The following TRIM37 variants were observed in gnomAD, a reference collection of about 807,000 sequenced individuals.
TRIM37 encodes E3 ubiquitin-protein ligase TRIM37.
TRIM37 carries 80 observed loss-of-function variants against 129.8 expected under a neutral mutation model. The ratio of observed to expected loss-of-function variants is 0.62; its 90% CI spans 0.51 to 0.74. The LOEUF (loss-of-function observed/expected upper bound fraction) is 0.74, where lower values mean the gene tolerates loss of function less well. TRIM37 is among the 30% of genes least tolerant of loss of function. TRIM37 has a pLI of 0.00. For missense variants in TRIM37, 1,054 were observed against 1,176.5 expected (o/e 0.90, Z 1.52); for synonymous variants, 389 against 387.1 (o/e 1.00, Z -0.06).
chr17:59,087,181 C>G (rs2043831233), intron 4 of TRIM37, among the ~76,000 whole-genome samples: 2 of 152,038 alleles, frequency 1.3e-5, no homozygotes, highest in African/African-American at 4.8e-5. Flanking sequence ...CTGCAACTTA[C>G]GCCTCCTGGG....
chr17:58,986,564 G>A (rs184047890), intron 24 of TRIM37, among the ~76,000 whole-genome samples: 21 of 146,904 alleles, frequency 1.4e-4, no homozygotes, highest in African/African-American at 5.3e-4. Context: ...CCTGGCTGGA[G>A]TGCAGTGGTG....
the TRIM37 span, chr17:58,969,587 G>A: frequency 6.2e-7 from 1 of 1,614,054 alleles, no homozygotes; most frequent in Non-Finnish European, 8.5e-7. Context: ...CCATGGGGGA[G>A]TAGATGCTGC....
chr17:59,001,879 C>A, intron 22 of TRIM37, 165 bp from the exon 23 acceptor site: 1 of 1,000,786 alleles, frequency 1.0e-6, no homozygotes. Flanking sequence ...AGTAACCGCA[C>A]AAACCTCGAT....
intron 16 of TRIM37, among the ~76,000 whole-genome samples, chr17:59,042,749 C>T (rs895460857): frequency 6.6e-6 from 1 of 150,622 alleles, no homozygotes; most frequent in Non-Finnish European, 1.5e-5. Flanking sequence ...GACGACAGAG[C>T]GAGACTCTGT....
intron 2 of TRIM37, among the ~76,000 whole-genome samples, chr17:59,098,433 G>C (rs2045120912): frequency 6.6e-6 from 1 of 152,124 alleles, no homozygotes; most frequent in Non-Finnish European, 1.5e-5. Flanking sequence ...GGGAGGCCAA[G>C]GCAGGCAGAT....
intron 16 of TRIM37, among the ~76,000 whole-genome samples, chr17:59,042,439 A>ATATATATATATATATATATAT (rs1184637891): frequency 1.2e-5 from 1 of 82,124 alleles, no homozygotes; most frequent in African/African-American, 6.2e-5. Flanking sequence ...TTTAAAAAAA[A>ATATATATATATATATATATAT]AAAAAAAAAA....
At chr17:59,061,999 A>G (rs551200552) in intron 11 of TRIM37, among the ~76,000 whole-genome samples, 1 of 152,118 alleles carries the variant, frequency 6.6e-6, no homozygotes, top group East Asian at 1.9e-4. Context: ...ATGATATATT[A>G]TTGTGTAATG....
chr17:59,041,718 C>A, intron 17 of TRIM37, 95 bp downstream of exon 17: 2 of 902,914 alleles, frequency 2.2e-6, no homozygotes, highest in East Asian at 5.0e-5. Context: ...GAACCATGTA[C>A]AAGCAGTGGC....
At chr17:59,017,617 A>G (rs906133669) in intron 19 of TRIM37, among the ~76,000 whole-genome samples, 193 bp from the exon 20 acceptor site, 4 of 151,774 alleles carry the variant, frequency 2.6e-5, no homozygotes, top group Non-Finnish European at 5.9e-5. Flanking sequence ...TTGCTTGTAG[A>G]GCAGAATCTT....
chr17:58,972,303 C>T, the TRIM37 span: 1 of 1,588,070 alleles, frequency 6.3e-7, no homozygotes, highest in Non-Finnish European at 8.6e-7. Flanking sequence ...TAATAGAGCC[C>T]ATGCTCTAGT....
downstream of TRIM37, chr17:58,980,569 T>C: frequency 6.2e-7 from 1 of 1,613,904 alleles, no homozygotes; most frequent in Non-Finnish European, 8.5e-7. The surrounding 1 kb of genome is among the most constrained non-coding windows in gnomAD (Gnocchi z 4.7). Flanking sequence ...AAGCAAATCT[T>C]ATTAATGAGT....
chr17:58,972,084 G>T, the TRIM37 span: 1 of 1,552,022 alleles, frequency 6.4e-7, no homozygotes, highest in Non-Finnish European at 8.8e-7. Context: ...TAAGAATGTA[G>T]TATCTATTTC....
chr17:59,106,173 C>T (rs1371383442), intron 1 of TRIM37, among the ~76,000 whole-genome samples: 1 of 152,182 alleles, frequency 6.6e-6, no homozygotes, highest in African/African-American at 2.4e-5. Context: ...ATGCTGTTTG[C>T]AAACACCCGG....
downstream of TRIM37, chr17:58,979,837 ATT>A (rs1351372835): frequency 1.4e-6 from 1 of 692,728 alleles, no homozygotes; most frequent in Admixed American, 3.0e-5. Context: ...GTCAAAAACT[ATT>A]TTATAAATTC....
Position 59,017,413 on chromosome 17 carries a change from T to C in TRIM37, c.2269A>G (p.Lys757Glu). The C allele has an allele frequency of 3.7e-6, 6 of 1,613,996 alleles. No homozygotes were observed. Among genetic ancestry groups the C allele is most frequent in the Non-Finnish European group, 5.1e-6 (6 of 1,179,930 alleles). ...CGAGCTGGCTTGGGCGAATTACTCT[T>C]CTTATTTGTGGCTGCAAAGACATTT... ...NCYIRNSTNK[K>E]SNSPKPARSS... Residue 757 changes from lysine to glutamate, a missense_variant, in exon 20 of 24, where the codon AAG becomes GAG. Coordinates refer to ENST00000262294, the MANE Select transcript of TRIM37 (RefSeq NM_015294.6).
At chr17:59,009,740 C>T (rs951938914) in intron 22 of TRIM37, among the ~76,000 whole-genome samples, 1 of 152,122 alleles carries the variant, frequency 6.6e-6, no homozygotes, top group Non-Finnish European at 1.5e-5. Flanking sequence ...GCCACTGCGC[C>T]CGGCCCTGGC....
intron 22 of TRIM37, among the ~76,000 whole-genome samples, chr17:59,003,645 T>TA (rs71145512): frequency 0.27 from 32,689 of 122,408 alleles, 4,150 homozygotes; most frequent in African/African-American, 0.37. Context: ...AGAGTCTTAT[T>TA]AAAAAAAAAA....
intron 8 of TRIM37, among the ~76,000 whole-genome samples, chr17:59,075,421 G>A (rs1281190893): frequency 2.0e-5 from 3 of 151,816 alleles, no homozygotes; most frequent in African/African-American, 4.8e-5. Context: ...AAAATTAGCC[G>A]GGCGTAGTGG....
At chr17:59,024,705 T>A (rs1452295571) in intron 19 of TRIM37, among the ~76,000 whole-genome samples, 2 of 152,214 alleles carry the variant, frequency 1.3e-5, no homozygotes, top group Admixed American at 1.3e-4. Context: ...CAAAAAAATT[T>A]ATTTTTGTAG....
Sources: gnomAD v4.1 joint callset for allele counts (sites outside exome capture counted in the v4.1 genomes callset) on GRCh38, gnomAD v4.1.1 for gene constraint, Gnocchi (gnomAD v3.1) non-coding constraint, MANE v1.5 for transcripts, NCBI Gene and HGNC (gene_info 2026-07-23, HGNC 2026-07-21) for gene names.